HMGN3: variants seen among roughly 807,000 people sequenced by gnomAD.
HMGN3 encodes high mobility group nucleosome-binding domain-containing protein 3.
A neutral mutation model predicts 18.8 loss-of-function variants in HMGN3; 6 were observed. The ratio of observed to expected loss-of-function variants is 0.32; its 90% CI spans 0.18 to 0.63. The LOEUF is 0.63. HMGN3 is among the 30% of genes least tolerant of loss of function. HMGN3 has a pLI of 0.79. For missense variants in HMGN3, 107 were observed against 114.2 expected (o/e 0.94, Z 0.29); for synonymous variants, 40 against 36.5 (o/e 1.10, Z -0.35).
At chr6:79,218,377 A>C (rs948676112) in intron 1 of HMGN3, among the ~76,000 whole-genome samples, 3 of 152,236 alleles carry the variant, frequency 2.0e-5, no homozygotes, top group Admixed American at 6.5e-5. Context: ...GATGTTGAAA[A>C]AATATATACT....
At chr6:79,234,676 C>A in exon 1 of HMGN3, 2 of 946,420 alleles carry the variant, frequency 2.1e-6, no homozygotes, top group Non-Finnish European at 3.3e-6. Flanking sequence ...CGTAGCCCGG[C>A]CTCTTCGACC....
intron 2 of HMGN3, among the ~76,000 whole-genome samples, chr6:79,214,464 A>G (rs905114704): frequency 9.9e-5 from 15 of 152,074 alleles, no homozygotes; most frequent in East Asian, 3.9e-4. Context: ...GCCACCCAAA[A>G]TGCTGGGATT....
At chr6:79,205,920 T>C (rs971027667) in intron 3 of HMGN3, among the ~76,000 whole-genome samples, 6 of 152,218 alleles carry the variant, frequency 3.9e-5, no homozygotes, top group Non-Finnish European at 8.8e-5. Context: ...TGTTAAGAAC[T>C]GGAGCAAAGG....
At chr6:79,203,622 A>G (rs978624065) in exon 4 of HMGN3, 2 of 1,611,650 alleles carry the variant, frequency 1.2e-6, no homozygotes, top group Non-Finnish European at 1.7e-6. Context: ...GTTTTGGTGG[A>G]GCAGGTTTCT....
intron 1 of HMGN3, among the ~76,000 whole-genome samples, chr6:79,215,281 T>C (rs1465883940): frequency 6.6e-6 from 1 of 152,222 alleles, no homozygotes; most frequent in Non-Finnish European, 1.5e-5. Flanking sequence ...TCAATGTGCA[T>C]TCACCCTAAG....
At chr6:79,234,646 T>G in exon 1 of HMGN3, 1 of 1,351,228 alleles carries the variant, frequency 7.4e-7, no homozygotes, top group Non-Finnish European at 1.1e-6. Context: ...CCTCTGCAGC[T>G]GCTCACGCGC....
chr6:79,207,610 T>C (rs1448263837), intron 3 of HMGN3, among the ~76,000 whole-genome samples: 1 of 152,196 alleles, frequency 6.6e-6, no homozygotes, highest in African/African-American at 2.4e-5. Context: ...ACTAATATAC[T>C]TCCTTACGAG....
intron 1 of HMGN3, among the ~76,000 whole-genome samples, chr6:79,226,819 G>C (rs1459737891): frequency 1.3e-5 from 2 of 152,122 alleles, no homozygotes; most frequent in African/African-American, 4.8e-5. Flanking sequence ...ATATGTATTT[G>C]CCTTGGGCAT....
chr6:79,223,166 G>GC (rs1777388122), intron 1 of HMGN3, among the ~76,000 whole-genome samples: 1 of 152,076 alleles, frequency 6.6e-6, no homozygotes, highest in South Asian at 2.1e-4. Context: ...ATCACTTGAG[G>GC]CCAGGAGTTC....
chr6:79,229,738 C>T (rs897179600), intron 1 of HMGN3, among the ~76,000 whole-genome samples: 4 of 152,054 alleles, frequency 2.6e-5, no homozygotes, highest in African/African-American at 7.2e-5. Context: ...ATTAGCCGGG[C>T]GTAGTGGCGG....
intron 2 of HMGN3, 138 bp from the exon 3 acceptor site, chr6:79,208,714 G>A: frequency 1.3e-6 from 1 of 753,764 alleles, no homozygotes. Context: ...CTCCAGGTAA[G>A]CACAGTGAAA....
intron 2 of HMGN3, 37 bp downstream of exon 2, chr6:79,214,935 T>C (rs1413807711): frequency 1.8e-6 from 2 of 1,103,338 alleles, no homozygotes; most frequent in East Asian, 4.8e-5. Flanking sequence ...CATTTCAATG[T>C]AAATAATTAA....
chr6:79,234,545 C>G lies in HMGN3; in HGVS notation c.15+1G>C. 6.2e-7 allele frequency: 1 copy of G among 1,611,888 alleles called. No homozygotes were observed. Among genetic ancestry groups the G allele is most frequent in the South Asian group, 1.1e-5 (1 of 90,880 alleles). ...TGAAATCTTTTTTTGGTAAGACTTA[C>G]CTTTCTCTTCGGCATAATGACTATG... On this transcript the variant is annotated splice_donor_variant, in intron 1 of 5. Transcript: ENST00000344726. LOFTEE classifies it high-confidence loss of function.
chr6:79,218,242 C>T (rs1159962497), intron 1 of HMGN3, among the ~76,000 whole-genome samples: 1 of 152,092 alleles, frequency 6.6e-6, no homozygotes, highest in African/African-American at 2.4e-5. Context: ...GGAAGGAATG[C>T]TTGCTCAATT....
chr6:79,203,649 T>C lies in HMGN3; in HGVS notation c.97-19A>G, dbSNP rs1325968651. ...CAGGTTTCTGCAAAGATAATTTAAA[T>C]TACACAAATACTGAAAAAAAAAAAA... On this transcript the variant is annotated intron_variant, in intron 3 of 5. Transcript: ENST00000344726. 7.8e-6 allele frequency: 12 copies of C among 1,545,988 alleles called. No homozygotes were observed. The highest frequency in any genetic ancestry group is 9.6e-6 in the Non-Finnish European group (11 of 1,147,478).
intron 2 of HMGN3, among the ~76,000 whole-genome samples, chr6:79,211,806 ATCT>A (rs993770179): frequency 6.6e-6 from 1 of 152,100 alleles, no homozygotes; most frequent in Non-Finnish European, 1.5e-5. Flanking sequence ...AAGACATGAA[ATCT>A]TCTACTTTAA....
chr6:79,231,646 CA>C (rs1264391373), intron 1 of HMGN3, among the ~76,000 whole-genome samples: 1 of 152,136 alleles, frequency 6.6e-6, no homozygotes, highest in East Asian at 1.9e-4. Flanking sequence ...CCTGAAGTTG[CA>C]AAACTGAGGC....
intron 1 of HMGN3, among the ~76,000 whole-genome samples, chr6:79,218,688 A>C (rs1236234773): frequency 6.6e-6 from 1 of 152,206 alleles, no homozygotes; most frequent in Non-Finnish European, 1.5e-5. Flanking sequence ...GGGTAATTTG[A>C]CTGGGAAAGA....
Position 79,202,262 on chromosome 6 carries a change from T to C in HMGN3, c.261+14A>G. ...ACACTGATTCAATCAGTGGGAGGTA[T>C]TTATGGAAAGTACCTCTTCAGCTTT... On this transcript the variant is annotated intron_variant, in intron 5 of 5. Transcript: ENST00000344726. 2 of 1,613,494 alleles carry C rather than the reference T, an allele frequency of 1.2e-6. No homozygotes were observed. Among genetic ancestry groups the C allele is most frequent in the Non-Finnish European group, 1.7e-6 (2 of 1,179,492 alleles).
Sources: gnomAD v4.1 joint callset for allele counts (sites outside exome capture counted in the v4.1 genomes callset) on GRCh38, gnomAD v4.1.1 for gene constraint, MANE v1.5 for transcripts, NCBI Gene and HGNC (gene_info 2026-07-23, HGNC 2026-07-21) for gene names.